The following CERS6 variants were observed in gnomAD, a reference collection of about 807,000 sequenced individuals.
CERS6 encodes the protein LAG1 homolog, ceramide synthase 6.
A neutral mutation model predicts 56.8 loss-of-function variants in CERS6; 26 were observed. That is an observed-to-expected ratio of 0.46 (90% CI 0.34 to 0.63). The LOEUF (loss-of-function observed/expected upper bound fraction) is 0.63. Among genes scored for constraint, CERS6 ranks in the 30% least tolerant of loss-of-function variants. The pLI is 0.01. For synonymous variants in CERS6, 164 were observed against 173.3 expected, an observed-to-expected ratio of 0.95 and a Z score of 0.42; for missense variants, 415 against 467.5, an observed-to-expected ratio of 0.89 and a Z score of 1.04.
At chr2:168,663,092 T>C (rs1292783166) in intron 4 of CERS6, among the ~76,000 whole-genome samples, 2 of 152,240 alleles carry the variant, frequency 1.3e-5, no homozygotes, top group Non-Finnish European at 2.9e-5. Context: ...TATGTTGTTT[T>C]GCATTCATTT....
chr2:168,677,321 C>T (rs1168569936), intron 4 of CERS6, among the ~76,000 whole-genome samples: 1 of 152,080 alleles, frequency 6.6e-6, no homozygotes, highest in Non-Finnish European at 1.5e-5. Context: ...TTTCCAGCTT[C>T]ATCCATGTCC....
chr2:168,550,592 C>T (rs983834413), intron 2 of CERS6, among the ~76,000 whole-genome samples: 5 of 152,220 alleles, frequency 3.3e-5, no homozygotes, highest in African/African-American at 1.2e-4. Flanking sequence ...ACTTAGTGTG[C>T]ACATGACCCA....
In CERS6 at chr2:168,695,060, G is replaced by C. The variant is rs776051597; in HGVS notation, c.609+9G>C. ...CTGATATCAAAAGAAAGGTAAGAGC[G>C]GTTATGTCGTAAAGTGCTTGCAAGC... On this transcript the variant is annotated intron_variant, in intron 6 of 9. Coordinates refer to ENST00000305747, the MANE Select transcript of CERS6 (RefSeq NM_203463.3). 6.2e-7 allele frequency: 1 copy of C among 1,606,968 alleles called. No homozygotes were observed. The highest frequency in any genetic ancestry group is 1.1e-5 in the South Asian group (1 of 90,850).
At chr2:168,521,766 C>T (rs1370737763) in intron 1 of CERS6, among the ~76,000 whole-genome samples, 4 of 152,078 alleles carry the variant, frequency 2.6e-5, no homozygotes, top group African/African-American at 4.8e-5. Flanking sequence ...CCAAGGTCTG[C>T]GAGCCAAGAG....
chr2:168,617,386 A>C (rs1032608231), intron 3 of CERS6, among the ~76,000 whole-genome samples: 2 of 152,128 alleles, frequency 1.3e-5, no homozygotes, highest in Non-Finnish European at 2.9e-5. Flanking sequence ...CCAGAATCAG[A>C]GCAGAACTAA....
intron 2 of CERS6, among the ~76,000 whole-genome samples, chr2:168,559,734 C>CTATATATATATAT (rs1695752127): frequency 3.5e-5 from 3 of 85,514 alleles, no homozygotes; most frequent in South Asian, 9.6e-4. Context: ...AGAAAGGTAT[C>CTATATATATATAT]ATATATATAT....
chr2:168,487,253 CTATA>C (rs1391733734), intron 1 of CERS6, among the ~76,000 whole-genome samples: 2 of 152,124 alleles, frequency 1.3e-5, no homozygotes, highest in African/African-American at 4.8e-5. Context: ...ATAGTTTTAA[CTATA>C]ACTGCAGTTT....
chr2:168,724,754 C>T (rs940460132), intron 8 of CERS6, among the ~76,000 whole-genome samples: 8 of 152,248 alleles, frequency 5.3e-5, no homozygotes, highest in South Asian at 4.1e-4. Context: ...GACAGAGTGC[C>T]GATTGGTGTA....
chr2:168,736,240 G>A (rs1022462169), intron 8 of CERS6, among the ~76,000 whole-genome samples: 1 of 152,158 alleles, frequency 6.6e-6, no homozygotes, highest in Middle Eastern at 3.2e-3. Context: ...AGTATCTCAA[G>A]GTTTAAAGCA....
chr2:168,580,307 T>G (rs1239033099), intron 3 of CERS6, among the ~76,000 whole-genome samples: 1 of 152,188 alleles, frequency 6.6e-6, no homozygotes, highest in African/African-American at 2.4e-5. Context: ...TTCTCTCCCT[T>G]TTCTTGACTT....
At chr2:168,610,241 T>G (rs984665191) in intron 3 of CERS6, among the ~76,000 whole-genome samples, 1 of 152,124 alleles carries the variant, frequency 6.6e-6, no homozygotes. Flanking sequence ...CCTCCCAAAG[T>G]GCTGGGATTA....
chr2:168,642,381 G>A (rs1424884263), intron 4 of CERS6, among the ~76,000 whole-genome samples: 1 of 152,168 alleles, frequency 6.6e-6, no homozygotes, highest in African/African-American at 2.4e-5. Context: ...TGTTAGTTCT[G>A]AATAGTTGGT....
intron 5 of CERS6, among the ~76,000 whole-genome samples, chr2:168,691,575 G>T (rs549600045): frequency 9.9e-5 from 15 of 152,278 alleles, no homozygotes; most frequent in Admixed American, 7.2e-4. Context: ...CTTGTACTAT[G>T]ACATGTGGAA....
intron 8 of CERS6, among the ~76,000 whole-genome samples, chr2:168,718,647 T>TA (rs1008994883): frequency 1.3e-5 from 2 of 152,216 alleles, no homozygotes; most frequent in Non-Finnish European, 2.9e-5. Context: ...TCTTCCAACT[T>TA]ACTGAAGAAA....
rs1559033928 is a variant in CERS6, at chr2:168,645,089, T to TAAAAA, written c.465+14047_465+14048insAAAAA. On this transcript the variant is annotated intron_variant, in intron 4 of 9. Coordinates refer to ENST00000305747, the MANE Select transcript of CERS6 (RefSeq NM_203463.3). ...CTGGGTGACAGAGCGAGACTGCATCTTAAAAAAAAAAAAAAAAAAAAAAAA... is the reference window on the plus strand; with the variant it reads ...CTGGGTGACAGAGCGAGACTGCATCTAAAAATAAAAAAAAAAAAAAAAAAAAAAAA... Among the ~76,000 whole-genome samples the TAAAAA allele has an allele frequency of 2.6e-3, 27 of 10,316 alleles. 13 individuals are homozygous for TAAAAA. Among genetic ancestry groups the TAAAAA allele is most frequent in the Non-Finnish European group, 5.8e-3 (25 of 4,284 alleles). 6.8% of individuals were successfully genotyped at this position (10,316 alleles called of 152,430 possible).
intron 1 of CERS6, among the ~76,000 whole-genome samples, chr2:168,506,881 A>AGGT (rs1694687751): frequency 6.6e-6 from 1 of 152,230 alleles, no homozygotes; most frequent in Admixed American, 6.5e-5. Context: ...TATATGGCAT[A>AGGT]GGTTATAATA....
At chr2:168,518,506 A>G (rs1370864336) in intron 1 of CERS6, among the ~76,000 whole-genome samples, 1 of 152,132 alleles carries the variant, frequency 6.6e-6, no homozygotes, top group Middle Eastern at 3.2e-3. Flanking sequence ...ATCTCTATGT[A>G]TATGTTTGTC....
At chr2:168,571,279 T>C (rs1014825093) in intron 3 of CERS6, among the ~76,000 whole-genome samples, 2 of 151,992 alleles carry the variant, frequency 1.3e-5, no homozygotes, top group Non-Finnish European at 2.9e-5. Flanking sequence ...GATTTCCTCC[T>C]GGCTATTCGC....
chr2:168,628,036 T>C (rs1029854649), intron 3 of CERS6, among the ~76,000 whole-genome samples: 4 of 152,212 alleles, frequency 2.6e-5, no homozygotes, highest in African/African-American at 4.8e-5. Context: ...CAGTCTTTTA[T>C]TGACTTACAA....
Sources: gnomAD v4.1 joint callset for allele counts (sites outside exome capture counted in the v4.1 genomes callset) on GRCh38, gnomAD v4.1.1 for gene constraint, MANE v1.5 for transcripts, NCBI Gene and HGNC (gene_info 2026-07-23, HGNC 2026-07-21) for gene names.